The following PDE7B variants were observed in gnomAD, a reference collection of about 807,000 sequenced individuals.
PDE7B encodes 3',5'-cyclic-AMP phosphodiesterase 7B.
Under a neutral mutation model 56.2 loss-of-function variants are expected in PDE7B, and 29 were observed. The observed-to-expected ratio is 0.52, with a 90% CI of 0.38 to 0.70. PDE7B has a LOEUF of 0.70. Among genes scored for constraint, PDE7B ranks in the 30% least tolerant of loss-of-function variants. PDE7B has a pLI of 0.00. For synonymous variants in PDE7B, 197 were observed against 196.9 expected (o/e 1.00, Z 0.00); for missense variants, 490 against 565.0 (o/e 0.87, Z 1.35).
rs144587623 is a variant in PDE7B at position 136,015,649 on chromosome 6, C to T, written c.82+68125C>T. Among the ~76,000 whole-genome samples the T allele has an allele frequency of 1.7e-3, 259 of 152,240 alleles. 2 individuals carry two copies. In the East Asian group the frequency reaches 0.028, roughly 16 times the overall value. ...ACTATGAAAGTGACAAACACTGAGT[C>T]GCTGGCATTCAGATAACCCCTCTTC... is the stretch of plus-strand genomic sequence containing the variant. On this transcript the variant is annotated intron_variant, in intron 2 of 12. Coordinates refer to ENST00000308191, the MANE Select transcript of PDE7B (RefSeq NM_018945.4).
rs971928290 is a variant in PDE7B, at chr6:136,192,299, G to C, written c.*459G>C. ...GTCTTAAGTGCAAGAGCACAAATGA[G>C]AGTGTGAGAGAAAGTACCTTCTATT... On this transcript the variant is annotated 3_prime_UTR_variant, in exon 13 of 13. Transcript: ENST00000308191. 1 of 152,964 alleles carries C rather than the reference G, an allele frequency of 6.5e-6. No homozygotes were observed. Among genetic ancestry groups the C allele is most frequent in the Admixed American group, 6.5e-5 (1 of 15,312 alleles). 9.5% of individuals were successfully genotyped at this position (152,964 alleles called of 1,614,324 possible).
At chr6:136,185,981 TAA>T (rs894410345) in intron 11 of PDE7B, among the ~76,000 whole-genome samples, 1 of 152,102 alleles carries the variant, frequency 6.6e-6, no homozygotes, top group African/African-American at 2.4e-5. Context: ...AGTATTTCAA[TAA>T]AGTTTTGTAC....
At chr6:136,104,584 A>T (rs541978493) in intron 2 of PDE7B, among the ~76,000 whole-genome samples, 23 of 152,342 alleles carry the variant, frequency 1.5e-4, no homozygotes, top group African/African-American at 5.0e-4. Context: ...TCCTTAAAGC[A>T]GGGAGAAGGA....
At chr6:135,890,176 G>T (rs1408354852) in intron 1 of PDE7B, among the ~76,000 whole-genome samples, 2 of 152,108 alleles carry the variant, frequency 1.3e-5, no homozygotes, top group Non-Finnish European at 2.9e-5. Flanking sequence ...TTTACAAACT[G>T]ATAAAACAAT....
chr6:136,173,988 C>T (rs751738108), intron 9 of PDE7B, 100 bp downstream of exon 9: 39 of 800,236 alleles, frequency 4.9e-5, no homozygotes, highest in Non-Finnish European at 7.5e-5. Context: ...TGGCAGAGAG[C>T]CCCCCGGCTG....
chr6:135,946,149 C>T (rs1440005015), intron 1 of PDE7B, among the ~76,000 whole-genome samples: 1 of 151,660 alleles, frequency 6.6e-6, no homozygotes, highest in Non-Finnish European at 1.5e-5. Context: ...AAAATATGGA[C>T]AATTGTTTTT....
intron 2 of PDE7B, among the ~76,000 whole-genome samples, chr6:135,972,893 A>G (rs1397121351): frequency 1.3e-5 from 2 of 151,762 alleles, no homozygotes; most frequent in Non-Finnish European, 1.5e-5. Context: ...ACAATCTTTC[A>G]CCCCCACAAT....
chr6:135,855,982 T>C (rs1775020237), intron 1 of PDE7B, among the ~76,000 whole-genome samples: 1 of 152,190 alleles, frequency 6.6e-6, no homozygotes, highest in Non-Finnish European at 1.5e-5. Flanking sequence ...GGATGCCCTT[T>C]TTCTTTCCAA....
At chr6:136,020,800 C>A (rs1304747689) in intron 2 of PDE7B, among the ~76,000 whole-genome samples, 1 of 152,076 alleles carries the variant, frequency 6.6e-6, no homozygotes, top group Non-Finnish European at 1.5e-5. Context: ...CTGTCCCAGA[C>A]ACTTTTGGGC....
chr6:136,019,396 G>T (rs555890911), intron 2 of PDE7B, among the ~76,000 whole-genome samples: 23 of 151,766 alleles, frequency 1.5e-4, no homozygotes, highest in African/African-American at 4.6e-4. Context: ...AAAAAAGAAG[G>T]AAAAAGAAAA....
At chr6:136,185,267 C>T (rs971479494) in intron 11 of PDE7B, among the ~76,000 whole-genome samples, 3 of 152,086 alleles carry the variant, frequency 2.0e-5, no homozygotes. Flanking sequence ...GAACTGCAGC[C>T]TCTGTAGGGC....
intron 1 of PDE7B, among the ~76,000 whole-genome samples, chr6:135,852,347 A>G (rs950196629): frequency 6.6e-6 from 1 of 152,032 alleles, no homozygotes; most frequent in Non-Finnish European, 1.5e-5. Context: ...TTTTTCTCCA[A>G]CATAAATCTT....
intron 1 of PDE7B, among the ~76,000 whole-genome samples, chr6:135,906,832 T>TGTTTTTTTTTTTTTG (rs1776124229): frequency 6.9e-6 from 1 of 144,006 alleles, no homozygotes; most frequent in Non-Finnish European, 1.5e-5. Context: ...TTTTTTTTTT[T>TGTTTTTTTTTTTTTG]TTTTAATCCT....
intron 2 of PDE7B, chr6:136,047,481 T>A (rs1309917679): frequency 6.6e-6 from 1 of 152,120 alleles, no homozygotes; most frequent in Non-Finnish European, 1.5e-5. Context: ...TTGGCCCTCA[T>A]CCCCTAGAAA....
At chr6:136,177,231 G>A (rs1778992319) in intron 9 of PDE7B, among the ~76,000 whole-genome samples, 1 of 152,148 alleles carries the variant, frequency 6.6e-6, no homozygotes, top group Non-Finnish European at 1.5e-5. Context: ...GGGAGGTGGA[G>A]ATGGGAGGAT....
intron 2 of PDE7B, among the ~76,000 whole-genome samples, chr6:136,018,267 C>T (rs935313780): frequency 5.9e-5 from 9 of 152,142 alleles, no homozygotes; most frequent in African/African-American, 1.9e-4. Context: ...AGAGATACAG[C>T]CCTATCCCCA....
chr6:135,958,912 A>T (rs1349480519), intron 2 of PDE7B, among the ~76,000 whole-genome samples: 2 of 152,116 alleles, frequency 1.3e-5, no homozygotes, highest in African/African-American at 4.8e-5. Context: ...TACTATAAAA[A>T]CCTTAAAGGC....
intron 2 of PDE7B, among the ~76,000 whole-genome samples, chr6:136,069,630 G>C (rs187133106): frequency 1.3e-5 from 2 of 152,104 alleles, no homozygotes; most frequent in East Asian, 1.9e-4. Context: ...AAACAAACTA[G>C]GTCTTTTAAA....
At chr6:136,140,374 C>A (rs1365774867) in intron 3 of PDE7B, among the ~76,000 whole-genome samples, 2 of 152,090 alleles carry the variant, frequency 1.3e-5, no homozygotes, top group African/African-American at 4.8e-5. Context: ...GTTACTGTAG[C>A]CTTGCAGTAT....
Sources: allele counts gnomAD v4.1 joint callset (sites outside exome capture counted in the v4.1 genomes callset), GRCh38; gene constraint gnomAD v4.1.1; transcripts MANE v1.5; gene names NCBI Gene and HGNC (gene_info 2026-07-23, HGNC 2026-07-21).